The following GNB1 variants were observed in gnomAD, a reference collection of about 807,000 sequenced individuals.
The protein encoded by GNB1 is guanine nucleotide-binding protein G(I)/G(S)/G(T) subunit beta-1.
GNB1 carries 2 observed loss-of-function variants against 42.9 expected under a neutral mutation model. That is an observed-to-expected ratio of 0.05 (90% confidence interval 0.02 to 0.15). GNB1 has a LOEUF of 0.15. Among genes scored for constraint, GNB1 ranks in the 10% least tolerant of loss-of-function variants. The pLI is 1.00. For missense variants in GNB1, 193 were observed against 462.2 expected, an observed-to-expected ratio of 0.42 and a Z score of 5.34; for synonymous variants, 183 against 174.7, an observed-to-expected ratio of 1.05 and a Z score of -0.38.
intron 5 of GNB1, among the ~76,000 whole-genome samples, chr1:1,808,099 G>A (rs1282019043): frequency 6.6e-6 from 1 of 151,978 alleles, no homozygotes; most frequent in Non-Finnish European, 1.5e-5. Context: ...CCACTTCCCA[G>A]ATTTGAGCAA....
chr1:1,795,701 C>A (rs1054459727), intron 7 of GNB1, among the ~76,000 whole-genome samples: 2 of 152,002 alleles, frequency 1.3e-5, no homozygotes, highest in African/African-American at 4.8e-5. Context: ...TGCAGTGAGC[C>A]GAGTTCACAG....
chr1:1,850,897 G>A (rs1040774180), intron 1 of GNB1, among the ~76,000 whole-genome samples: 2 of 152,190 alleles, frequency 1.3e-5, no homozygotes, highest in African/African-American at 2.4e-5. Context: ...ATTCAATCTA[G>A]TCTTCAGTTG....
In GNB1 at chr1:1,790,505, T is replaced by C; in HGVS notation, c.589A>G (p.Arg197Gly). 1 of 1,613,486 alleles carries C rather than the reference T, an allele frequency of 6.2e-7. No homozygotes were observed. The highest frequency in any genetic ancestry group is 8.5e-7 in the Non-Finnish European group (1 of 1,179,476). Residue 197 changes from arginine to glycine, a missense_variant, in exon 9 of 12, where the codon AGA (arginine) becomes GGA (glycine). This residue lies in a region of GNB1 where 150 missense variants were observed against 410.8 expected (regional missense o/e 0.37). Transcript: ENST00000378609. This position sits in a 1 kb window ranked among gnomAD's most constrained non-coding sequence, Gnocchi z 5.4. ...TCACAAGCACCAGAGACGAACAGTC[T>C]GGTGTCAGGAGCAAGAGAAAGGCTC... ...VMSLSLAPDT[R>G]LFVSGACDAS...
chr1:1,825,470 T>TC lies in GNB1; in HGVS notation c.-18dup, dbSNP rs1646986032. On this transcript the variant is annotated 5_prime_UTR_variant, in exon 3 of 12. Transcript: ENST00000378609. ...CTCACTCATCTTCCGATCTTAGTGC[T>TC]CTTCAATGCCACCTTCAAGAATGTG... 6.3e-7 allele frequency: 1 copy of TC among 1,585,822 alleles called. No individual in the cohort carries two copies. The highest frequency in any genetic ancestry group is 8.7e-7 in the Non-Finnish European group (1 of 1,154,226).
intron 2 of GNB1, among the ~76,000 whole-genome samples, chr1:1,834,493 T>C (rs1365688738): frequency 6.6e-6 from 1 of 152,142 alleles, no homozygotes; most frequent in Admixed American, 6.5e-5. Flanking sequence ...TTCAAACATG[T>C]TGAGGCCAAA....
At chr1:1,821,684 C>T (rs1174333226) in intron 3 of GNB1, among the ~76,000 whole-genome samples, 2 of 152,232 alleles carry the variant, frequency 1.3e-5, no homozygotes, top group Admixed American at 1.3e-4. Context: ...AGGCGCCTCT[C>T]CTAGTGAACG....
At chr1:1,858,501 G>T (rs1393084364) in intron 1 of GNB1, among the ~76,000 whole-genome samples, 1 of 151,920 alleles carries the variant, frequency 6.6e-6, no homozygotes. Flanking sequence ...ACTTAATTTT[G>T]ATTCTTAAAA....
At chr1:1,811,992 G>A (rs1041341802) in intron 5 of GNB1, among the ~76,000 whole-genome samples, 1 of 151,982 alleles carries the variant, frequency 6.6e-6, no homozygotes, top group African/African-American at 2.4e-5. Context: ...CGTGAACCTG[G>A]GAGGCAGAGC....
chr1:1,798,478 C>A (rs112339912), intron 7 of GNB1, among the ~76,000 whole-genome samples: 49 of 152,366 alleles, frequency 3.2e-4, no homozygotes, highest in African/African-American at 1.0e-3. Flanking sequence ...GGCTCTGTCA[C>A]TGACAGCTGT....
intron 2 of GNB1, among the ~76,000 whole-genome samples, chr1:1,829,169 G>A (rs1478749303): frequency 6.6e-6 from 1 of 151,988 alleles, no homozygotes; most frequent in East Asian, 1.9e-4. Flanking sequence ...TGATTCTTTT[G>A]CCTCAGCCTC....
At chr1:1,835,086 A>G (rs558044723) in intron 2 of GNB1, among the ~76,000 whole-genome samples, 20 of 152,208 alleles carry the variant, frequency 1.3e-4, no homozygotes, top group Non-Finnish European at 2.6e-4. Flanking sequence ...TTACTGCTGC[A>G]AACTACAATG....
intron 7 of GNB1, among the ~76,000 whole-genome samples, chr1:1,799,518 TCAGA>T (rs1267656442): frequency 3.9e-5 from 6 of 152,176 alleles, no homozygotes; most frequent in Non-Finnish European, 8.8e-5. Context: ...GGGTGCTGCG[TCAGA>T]CAGAGCTGTG....
At chr1:1,807,636 T>C (rs1276979224) in intron 5 of GNB1, among the ~76,000 whole-genome samples, 1 of 152,020 alleles carries the variant, frequency 6.6e-6, no homozygotes, top group African/African-American at 2.4e-5. Flanking sequence ...CCTCCTCACC[T>C]GCTTGGTAAA....
intron 5 of GNB1, among the ~76,000 whole-genome samples, chr1:1,811,026 A>T (rs770900858): frequency 6.6e-5 from 10 of 150,572 alleles, no homozygotes; most frequent in Non-Finnish European, 1.5e-4. Context: ...TCCATCCGTC[A>T]CCCAGGCGGG....
intron 2 of GNB1, among the ~76,000 whole-genome samples, chr1:1,825,858 C>A (rs1646991185): frequency 6.6e-6 from 1 of 150,538 alleles, no homozygotes; most frequent in African/African-American, 2.5e-5. Context: ...CAGCAATACT[C>A]CGTCTCAAAA....
At chr1:1,841,125 C>T (rs952419180) in intron 1 of GNB1, among the ~76,000 whole-genome samples, 10 of 152,182 alleles carry the variant, frequency 6.6e-5, no homozygotes, top group Middle Eastern at 6.8e-3. Flanking sequence ...CTCCTGACCT[C>T]GTGATCTGCC....
At chr1:1,791,411 G>A (rs939553305) in intron 8 of GNB1, among the ~76,000 whole-genome samples, 2 of 152,126 alleles carry the variant, frequency 1.3e-5, no homozygotes, top group Non-Finnish European at 2.9e-5. Flanking sequence ...CTGACCTCAG[G>A]TGATCCGCCC....
chr1:1,863,356 T>C (rs560940257), intron 1 of GNB1, among the ~76,000 whole-genome samples: 1 of 152,270 alleles, frequency 6.6e-6, no homozygotes, highest in East Asian at 1.9e-4. Flanking sequence ...ATATGTGAGA[T>C]AATTTGACTG....
Position 1,815,808 on chromosome 1 carries a change from G to A in GNB1, c.151C>T (p.Leu51=), listed in dbSNP as rs1340744554. ...GRIQMRTRRT[L]RGHLAKIYAM... Reference sequence around the variant, plus strand: ...TAGATCTTGGCCAGGTGCCCCCGCAGTGTCCTCCTCGTGCGCATTTGGATT... The same window carrying A: ...TAGATCTTGGCCAGGTGCCCCCGCAATGTCCTCCTCGTGCGCATTTGGATT... The change falls in exon 5 of 12, where the codon CTG becomes TTG. Residue 51 remains leucine, a synonymous_variant. Transcript: ENST00000378609. 7.4e-6 allele frequency: 12 copies of A among 1,611,464 alleles called. No homozygotes were observed. The highest frequency in any genetic ancestry group is 9.3e-6 in the Non-Finnish European group (11 of 1,177,800).
Sources: gnomAD v4.1 joint callset for allele counts (sites outside exome capture counted in the v4.1 genomes callset) on GRCh38, gnomAD v4.1.1 for gene constraint, gnomAD v4.1.1 regional missense constraint, Gnocchi (gnomAD v3.1) non-coding constraint, MANE v1.5 for transcripts, NCBI Gene and HGNC (gene_info 2026-07-23, HGNC 2026-07-21) for gene names.